The following SAMMSON variants were observed in gnomAD, a reference collection of about 807,000 sequenced individuals.
SAMMSON encodes long intergenic non-protein coding RNA 1212.
chr3:70,004,686 A>G (rs1213527814), intron 1 of SAMMSON, among the ~76,000 whole-genome samples: 2 of 152,352 alleles, frequency 1.3e-5, no homozygotes, highest in Admixed American at 6.5e-5. Context: ...CATACAAAAT[A>G]CAATGCAACA....
intron 1 of SAMMSON, among the ~76,000 whole-genome samples, chr3:70,008,294 C>T (rs1183704178): frequency 6.6e-6 from 1 of 152,160 alleles, no homozygotes; most frequent in Non-Finnish European, 1.5e-5. Flanking sequence ...AATGTTCGTC[C>T]ATTTGTTTGT....
chr3:70,125,897 T>A (rs1459194157), intron 4 of SAMMSON: 1 of 694,934 alleles, frequency 1.4e-6, no homozygotes, highest in Admixed American at 2.0e-5. Flanking sequence ...AATTCTTCAC[T>A]AGATAATTCC....
intron 9 of SAMMSON, among the ~76,000 whole-genome samples, chr3:70,379,854 G>C (rs775998640): frequency 1.3e-4 from 20 of 152,082 alleles, no homozygotes; most frequent in Admixed American, 3.3e-4. Context: ...ATAGTGTATG[G>C]TATTTGTTGC....
rs1458178856 is a variant in SAMMSON, at chr3:70,009,585, C to T, written n.23-2772C>T. The stretch of plus-strand genomic sequence containing the variant: ...CAATTTTGTTGATCTTTTCAGAAAA[C>T]CAGCTCCTGGATTCATTGATTTTTT... On this transcript the variant is annotated intron_variant and non_coding_transcript_variant, in intron 1 of 9. Transcript: ENST00000642114. 3.9e-5 allele frequency among the ~76,000 whole-genome samples: 6 copies of T among 152,124 alleles called. No individual in the cohort carries two copies. In the East Asian group the frequency reaches 9.7e-4, roughly 25 times the overall value.
intron 2 of SAMMSON, among the ~76,000 whole-genome samples, chr3:70,410,421 T>C (rs1701208999): frequency 6.6e-6 from 1 of 152,170 alleles, no homozygotes; most frequent in African/African-American, 2.4e-5. Flanking sequence ...AATAAGACAT[T>C]GATAGTCTAC....
intron 2 of SAMMSON, among the ~76,000 whole-genome samples, chr3:70,427,534 T>C (rs548416244): frequency 6.6e-6 from 1 of 152,094 alleles, no homozygotes; most frequent in South Asian, 2.1e-4. Flanking sequence ...GGTCAGGAGA[T>C]CGAGACCATC....
intron 2 of SAMMSON, among the ~76,000 whole-genome samples, chr3:70,402,817 G>A (rs543818842): frequency 5.9e-5 from 9 of 152,148 alleles, no homozygotes; most frequent in Non-Finnish European, 1.0e-4. Flanking sequence ...AGCCGAGATT[G>A]TACCACTGCA....
chr3:70,142,823 G>A (rs1336206903), intron 4 of SAMMSON, among the ~76,000 whole-genome samples: 1 of 152,170 alleles, frequency 6.6e-6, no homozygotes, highest in Non-Finnish European at 1.5e-5. Context: ...GTGAGCTCCT[G>A]CCCCAGCCAA....
At chr3:70,175,038 C>T (rs966397849) in intron 4 of SAMMSON, among the ~76,000 whole-genome samples, 2 of 152,010 alleles carry the variant, frequency 1.3e-5, no homozygotes, top group Non-Finnish European at 2.9e-5. Context: ...AGCTGGTATT[C>T]GATTGGCTTA....
chr3:70,422,358 A>C lies in SAMMSON; in HGVS notation n.234-40202A>C, dbSNP rs1344591804. ...AAGAAGAGTGTTATGTTTATTAACT[A>C]ACGTACATTAGGTAATTTCTTTGCT... is the stretch of plus-strand genomic sequence containing the variant. On this transcript the variant is annotated intron_variant and non_coding_transcript_variant, in intron 2 of 3. Coordinates refer to the SAMMSON transcript ENST00000641053. Among the ~76,000 whole-genome samples, 3 of 152,188 alleles carry C rather than the reference A, an allele frequency of 2.0e-5. No individual in the cohort carries two copies. The East Asian group carries it at 5.8e-4, about 29-fold the overall frequency.
At chr3:70,018,226 G>C (rs998914327) in intron 3 of SAMMSON, among the ~76,000 whole-genome samples, 1 of 151,960 alleles carries the variant, frequency 6.6e-6, no homozygotes, top group Non-Finnish European at 1.5e-5. Context: ...GACTTTTTTT[G>C]TTGGTAAACT....
intron 3 of SAMMSON, among the ~76,000 whole-genome samples, chr3:70,061,046 T>G (rs919799751): frequency 1.3e-5 from 2 of 152,038 alleles, no homozygotes; most frequent in East Asian, 3.9e-4. Context: ...AAAGGATGTA[T>G]GCCAAGATGC....
chr3:70,014,625 A>G (rs560954731), intron 3 of SAMMSON: 4 of 152,314 alleles, frequency 2.6e-5, no homozygotes, highest in South Asian at 4.1e-4. Context: ...TATCTACTCC[A>G]TGGAATTTCA....
intron 2 of SAMMSON, among the ~76,000 whole-genome samples, chr3:70,419,483 T>A (rs192000220): frequency 1.3e-5 from 2 of 152,322 alleles, no homozygotes; most frequent in East Asian, 3.9e-4. Flanking sequence ...GATCAGTCTT[T>A]GAGGTAAGTT....
In SAMMSON at chr3:70,293,799, A is replaced by G. The variant is rs1018385663; in HGVS notation, n.739+2556A>G. Among the ~76,000 whole-genome samples, 4 of 152,104 alleles carry G rather than the reference A, an allele frequency of 2.6e-5. No individual in the cohort carries two copies. In the East Asian group the frequency reaches 7.7e-4, roughly 29 times the overall value. Reference sequence around the variant, plus strand: ...TATCTGAACCTTACTGAAAGGAAAGAAAAAAGACCTTAGGAACCTGGTTAT... The same window carrying G: ...TATCTGAACCTTACTGAAAGGAAAGGAAAAAGACCTTAGGAACCTGGTTAT... On this transcript the variant is annotated intron_variant and non_coding_transcript_variant, in intron 7 of 9. Coordinates refer to ENST00000642114, the Ensembl canonical transcript of SAMMSON.
intron 3 of SAMMSON, among the ~76,000 whole-genome samples, chr3:70,052,715 G>A (rs978522175): frequency 6.6e-6 from 1 of 152,012 alleles, no homozygotes; most frequent in Non-Finnish European, 1.5e-5. Context: ...ATTGTGAGGG[G>A]GTGTTCTGTG....
chr3:70,042,353 A>G (rs2067109350), intron 3 of SAMMSON, among the ~76,000 whole-genome samples: 1 of 152,094 alleles, frequency 6.6e-6, no homozygotes, highest in Admixed American at 6.6e-5. Context: ...AGTGCCTACT[A>G]AGCAATCCAG....
intron 6 of SAMMSON, among the ~76,000 whole-genome samples, chr3:70,275,695 C>A (rs1702018284): frequency 6.6e-6 from 1 of 152,144 alleles, no homozygotes; most frequent in Non-Finnish European, 1.5e-5. Context: ...ACAATACTTA[C>A]CTCAAAGCGT....
At chr3:70,322,438 C>G (rs1293269392) in intron 7 of SAMMSON, among the ~76,000 whole-genome samples, 1 of 152,062 alleles carries the variant, frequency 6.6e-6, no homozygotes, top group Non-Finnish European at 1.5e-5. Flanking sequence ...TTTTGTAGTT[C>G]CAAGATCTCC....
Sources: allele counts gnomAD v4.1 joint callset (sites outside exome capture counted in the v4.1 genomes callset), GRCh38; gene constraint gnomAD v4.1.1; transcripts MANE v1.5; gene names NCBI Gene and HGNC (gene_info 2026-07-23, HGNC 2026-07-21).